EYA1: variants seen among roughly 807,000 people sequenced by gnomAD.
The protein encoded by EYA1 is EYA transcriptional coactivator and phosphatase 1.
In EYA1, 16 loss-of-function variants were observed where a neutral mutation model predicts 82.0. The ratio of observed to expected loss-of-function variants is 0.20; its 90% CI spans 0.13 to 0.30. The LOEUF (loss-of-function observed/expected upper bound fraction) is 0.30, where lower values mean the gene tolerates loss of function less well. EYA1 is among the 10% of genes least tolerant of loss of function. The pLI, the probability that EYA1 is intolerant of heterozygous loss-of-function variation, is 1.00. For synonymous variants in EYA1, 261 were observed against 264.4 expected, an observed-to-expected ratio of 0.99 and a Z score of 0.12; for missense variants, 633 against 730.7, an observed-to-expected ratio of 0.87 and a Z score of 1.54.
At chr8:71,262,686 A>G (rs1215678884) in intron 11 of EYA1, among the ~76,000 whole-genome samples, 1 of 152,186 alleles carries the variant, frequency 6.6e-6, no homozygotes, top group Admixed American at 6.5e-5. Context: ...GTGTTCCATT[A>G]AACAGCAAGA....
intron 1 of EYA1, among the ~76,000 whole-genome samples, chr8:71,358,567 T>C (rs1259581311): frequency 1.3e-5 from 2 of 152,108 alleles, no homozygotes; most frequent in African/African-American, 4.8e-5. Flanking sequence ...CCAGGAAAAA[T>C]AAATCTACTC....
chr8:71,452,391 T>C (rs1409411496), intron 2 of EYA1, among the ~76,000 whole-genome samples: 1 of 152,204 alleles, frequency 6.6e-6, no homozygotes, highest in Non-Finnish European at 1.5e-5. Flanking sequence ...CAGACTTAAA[T>C]GTCCCTGTCT....
At position 71,216,771 on chromosome 8, in the gene EYA1, A is replaced by G; in HGVS notation, c.1281T>C (p.Gly427=). The change falls in exon 14 of 18, where the codon GGT becomes GGC. Residue 427 remains glycine (G), a synonymous_variant. Coordinates refer to ENST00000340726, the MANE Select transcript of EYA1 (RefSeq NM_000503.6). ...NLCLATGVRG[G]VDWMRKLAFR... ...AGGCCAACTTTCTCATCCAGTCCAC[A>G]CCGCCCCGTACACCAGTTGCCAAAC... The G allele has an allele frequency of 1.2e-6, 2 of 1,614,054 alleles. No homozygotes were observed. The highest frequency in any genetic ancestry group is 1.7e-6 in the Non-Finnish European group (2 of 1,179,978).
intron 2 of EYA1, among the ~76,000 whole-genome samples, chr8:71,534,836 C>G (rs766496164): frequency 6.6e-6 from 1 of 150,728 alleles, no homozygotes; most frequent in Non-Finnish European, 1.5e-5. Flanking sequence ...CTTATGTAAC[C>G]TGCACGTTCT....
chr8:71,352,531 G>A (rs1826411514), intron 3 of EYA1, among the ~76,000 whole-genome samples: 1 of 152,078 alleles, frequency 6.6e-6, no homozygotes, highest in African/African-American at 2.4e-5. Context: ...TGCTTGTAAA[G>A]TACATTAATG....
intron 4 of EYA1, among the ~76,000 whole-genome samples, chr8:71,326,919 C>T (rs1015435274): frequency 6.6e-6 from 1 of 152,176 alleles, no homozygotes; most frequent in African/African-American, 2.4e-5. Flanking sequence ...CCACAAACCC[C>T]CTGACCCTCA....
intron 2 of EYA1, among the ~76,000 whole-genome samples, chr8:71,486,452 G>C (rs1810577122): frequency 6.6e-6 from 1 of 152,212 alleles, no homozygotes; most frequent in Non-Finnish European, 1.5e-5. Context: ...AAGGAGAACA[G>C]CATTAGAAAA....
Position 71,299,149 on chromosome 8 carries a change from T to C in EYA1, c.724A>G (p.Ser242Gly), listed in dbSNP as rs191838840. 184 of 1,614,176 alleles carry C rather than the reference T, an allele frequency of 1.1e-4. 4 individuals are homozygous for C. In the East Asian group the frequency reaches 4.1e-3, roughly 36 times the overall value. Residue 242 changes from serine to glycine, a missense_variant, in exon 9 of 18, where the codon AGC (serine) becomes GGC (glycine). Physicochemically the swap from Ser to Gly is moderately conservative, Grantham distance 56. Transcript: ENST00000340726. ...SSPYPAHYMT[S>G]SNTSPTTPST... ...GGTGTCGTTGGGCTGGTGTTGCTGC[T>C]GGTCATATAATGTGCTGGATACGGT...
chr8:71,441,263 T>C (rs1165412706), intron 2 of EYA1, among the ~76,000 whole-genome samples: 1 of 152,144 alleles, frequency 6.6e-6, no homozygotes, highest in Non-Finnish European at 1.5e-5. Flanking sequence ...CCACCCCAGT[T>C]GACCAGCATG....
At chr8:71,502,322 TTGTC>T (rs1337519984) in intron 2 of EYA1, among the ~76,000 whole-genome samples, 1 of 152,212 alleles carries the variant, frequency 6.6e-6, no homozygotes, top group African/African-American at 2.4e-5. Flanking sequence ...TCATTCTTCT[TTGTC>T]TGCTCCACAT....
chr8:71,369,061 G>C (rs949741362), intron 2 of EYA1, among the ~76,000 whole-genome samples: 1 of 149,954 alleles, frequency 6.7e-6, no homozygotes, highest in Non-Finnish European at 1.5e-5. Flanking sequence ...AAAATAGCTG[G>C]ACGTGGTGGC....
At chr8:71,446,468 T>G (rs1270388161) in intron 2 of EYA1, among the ~76,000 whole-genome samples, 3 of 152,154 alleles carry the variant, frequency 2.0e-5, no homozygotes, top group Admixed American at 6.5e-5. Context: ...CAATTAAATC[T>G]CCTCTGTTTA....
In EYA1 at chr8:71,523,638, C is replaced by T. The variant is rs539736316; in HGVS notation, c.33+12106G>A. ...GTTCACCATAGAATCTCATTGCACACTTGTGTGAATTAGCCCTGTTATTTC... is the reference window on the plus strand; with the variant it reads ...GTTCACCATAGAATCTCATTGCACATTTGTGTGAATTAGCCCTGTTATTTC... On this transcript the variant is annotated intron_variant, in intron 2 of 18. Transcript: ENST00000643681. Among the ~76,000 whole-genome samples the T allele has an allele frequency of 5.3e-5, 8 of 152,294 alleles. No homozygotes were observed. The South Asian group carries it at 1.5e-3, about 28-fold the overall frequency.
Position 71,361,799 on chromosome 8 carries a change from A to G in EYA1, c.-207T>C. 1.0e-6 allele frequency: 1 copy of G among 985,424 alleles called. No homozygotes were observed. The highest frequency in any genetic ancestry group is 1.2e-6 in the Non-Finnish European group (1 of 829,960). The allele number at this position is 985,424 out of a possible 1,614,324, so 61.0% of individuals were successfully genotyped here. On this transcript the variant is annotated 5_prime_UTR_variant, in exon 1 of 18. Coordinates refer to ENST00000340726, the MANE Select transcript of EYA1 (RefSeq NM_000503.6). Reference sequence around the variant, plus strand: ...GCAGCCGCGGCGCTTCTGGGAGTGGAGCGCCTCTGCAGGGGAAAGCTCGGC... The same window carrying G: ...GCAGCCGCGGCGCTTCTGGGAGTGGGGCGCCTCTGCAGGGGAAAGCTCGGC...
chr8:71,276,274 T>G (rs1175308215), intron 9 of EYA1, among the ~76,000 whole-genome samples: 1 of 152,228 alleles, frequency 6.6e-6, no homozygotes, highest in Non-Finnish European at 1.5e-5. Context: ...TGAGCAGCAG[T>G]GCACTGGAGT....
intron 9 of EYA1, among the ~76,000 whole-genome samples, chr8:71,289,955 CG>C (rs1282241251): frequency 6.6e-6 from 1 of 151,998 alleles, no homozygotes; most frequent in Non-Finnish European, 1.5e-5. Flanking sequence ...AAAAGAGAGG[CG>C]GGGGACAGTT....
intron 17 of EYA1, among the ~76,000 whole-genome samples, chr8:71,208,434 A>C (rs1009709707): frequency 6.6e-6 from 1 of 152,152 alleles, no homozygotes; most frequent in Non-Finnish European, 1.5e-5. Context: ...TCTCAAATAA[A>C]ACAAAAAACC....
At chr8:71,231,504 G>A (rs1295682114) in intron 12 of EYA1, among the ~76,000 whole-genome samples, 1 of 152,132 alleles carries the variant, frequency 6.6e-6, no homozygotes, top group Non-Finnish European at 1.5e-5. Flanking sequence ...ACTCTGCCTT[G>A]CCACCTCTCC....
At chr8:71,289,118 C>T (rs1818728226) in intron 9 of EYA1, among the ~76,000 whole-genome samples, 2 of 152,002 alleles carry the variant, frequency 1.3e-5, no homozygotes, top group South Asian at 4.1e-4. Flanking sequence ...GGACAAGATG[C>T]AAGGAGGTCC....
Sources: gnomAD v4.1 joint callset for allele counts (sites outside exome capture counted in the v4.1 genomes callset) on GRCh38, gnomAD v4.1.1 for gene constraint, MANE v1.5 for transcripts, NCBI Gene and HGNC (gene_info 2026-07-23, HGNC 2026-07-21) for gene names.